Variants in RIN2 observed in about 807,000 individuals in gnomAD.
The protein encoded by RIN2 is RAB5 interacting protein 2.
RIN2 carries 36 observed loss-of-function variants against 78.0 expected under a neutral mutation model. The observed-to-expected ratio is 0.46, with a 90% CI of 0.35 to 0.61. The LOEUF is 0.61. Ranked by LOEUF, RIN2 falls within the 20% of genes least tolerant of loss-of-function variation. RIN2 has a pLI of 0.00. For missense variants in RIN2, 1,087 were observed against 1,159.7 expected (o/e 0.94, Z 0.91); for synonymous variants, 466 against 466.8 (o/e 1.00, Z 0.02).
chr20:19,875,384 C>A (rs2037824646), intron 2 of RIN2, among the ~76,000 whole-genome samples: 2 of 152,126 alleles, frequency 1.3e-5, no homozygotes, highest in South Asian at 4.1e-4. Flanking sequence ...CGAGGCTGGT[C>A]TCAAACTCCT....
At chr20:19,892,605 A>G (rs1264045860) in intron 3 of RIN2, among the ~76,000 whole-genome samples, 1 of 151,986 alleles carries the variant, frequency 6.6e-6, no homozygotes, top group Non-Finnish European at 1.5e-5. Context: ...TGGAGCTCCC[A>G]GGCTCAAGCA....
At chr20:19,954,410 T>C (rs913867228) in intron 4 of RIN2, among the ~76,000 whole-genome samples, 4 of 152,152 alleles carry the variant, frequency 2.6e-5, no homozygotes, top group African/African-American at 9.7e-5. Context: ...TGCCCCAGGA[T>C]AGGGCTTGAT....
intron 12 of RIN2, 26 bp from the exon 13 acceptor site, chr20:20,000,587 T>C (rs910040047): frequency 6.4e-7 from 1 of 1,557,952 alleles, no homozygotes; most frequent in African/African-American, 1.4e-5. Context: ...CTTCTGACTG[T>C]CTCAACATTC....
intron 2 of RIN2, among the ~76,000 whole-genome samples, chr20:19,874,302 G>A (rs1368026663): frequency 1.3e-5 from 2 of 152,146 alleles, no homozygotes; most frequent in Admixed American, 6.5e-5. Flanking sequence ...ATAAAGCAAG[G>A]TTATGCATTG....
chr20:19,798,736 T>C (rs1311037155), intron 1 of RIN2, among the ~76,000 whole-genome samples: 1 of 152,138 alleles, frequency 6.6e-6, no homozygotes. Context: ...TGCCCACTTC[T>C]GCCAAGAATA....
chr20:19,882,072 A>G (rs1172407147), intron 2 of RIN2, among the ~76,000 whole-genome samples: 1 of 152,202 alleles, frequency 6.6e-6, no homozygotes, highest in East Asian at 1.9e-4. Context: ...GTAATTTTGG[A>G]AAGTGAAAAA....
chr20:19,823,753 A>G lies in RIN2; in HGVS notation c.-37+24006A>G, dbSNP rs980801121. ...CTCAATCTGGGCCTGTCTGTTCTGA[A>G]TGGTTAGTTTCACTGTAATCCTCAG... On this transcript the variant is annotated intron_variant, in intron 2 of 12. Coordinates refer to ENST00000255006, the MANE Select transcript of RIN2 (RefSeq NM_018993.4). 1.9e-6 allele frequency: 3 copies of G among 1,593,770 alleles called. No individual in the cohort carries two copies. In the African/African-American group the frequency reaches 4.0e-5, roughly 21 times the overall value.
At chr20:19,824,001 C>T (rs1185019026) in intron 2 of RIN2, 3 of 1,059,658 alleles carry the variant, frequency 2.8e-6, no homozygotes, top group Non-Finnish European at 2.8e-6. Flanking sequence ...GAAAGTTGCA[C>T]CTTGGCCTCC....
rs201051605 is a variant in RIN2, at chr20:19,997,978, C to CTT, written c.2364+1147_2364+1148dup. Among the ~76,000 whole-genome samples the CTT allele has an allele frequency of 3.9e-4, 57 of 145,592 alleles. 1 individual carries two copies. Among genetic ancestry groups the CTT allele is most frequent in the African/African-American group, 5.0e-4 (20 of 39,728 alleles). On this transcript the variant is annotated intron_variant, in intron 12 of 12. Transcript: ENST00000255006. ...TTGTCTACACATCCAGATTCACCTG[C>CTT]TTTTTTTTTTTTCTTAAGACAGAGT... is the stretch of plus-strand genomic sequence containing the variant.
intron 4 of RIN2, among the ~76,000 whole-genome samples, chr20:19,939,790 G>A (rs893294536): frequency 6.6e-6 from 1 of 151,094 alleles, no homozygotes; most frequent in Admixed American, 6.6e-5. Context: ...CTGGCTTTAT[G>A]TTTCTTCATA....
chr20:19,775,943 AAATACT>A (rs1409474188), intron 1 of RIN2, among the ~76,000 whole-genome samples: 8 of 152,262 alleles, frequency 5.3e-5, no homozygotes, highest in Non-Finnish European at 1.2e-4. Context: ...TCTCAAATAG[AAATACT>A]AATACTAACA....
intron 4 of RIN2, among the ~76,000 whole-genome samples, chr20:19,954,720 T>TGA (rs2041466390): frequency 2.0e-5 from 3 of 151,412 alleles, no homozygotes; most frequent in African/African-American, 7.3e-5. Flanking sequence ...CCTGTGTCCC[T>TGA]CACCCCTGTG....
At chr20:19,954,793 T>G (rs979823975) in intron 4 of RIN2, among the ~76,000 whole-genome samples, 2 of 152,044 alleles carry the variant, frequency 1.3e-5, no homozygotes, top group African/African-American at 4.8e-5. Flanking sequence ...TACCAGAGCA[T>G]GTGTAATTTC....
intron 1 of RIN2, among the ~76,000 whole-genome samples, chr20:19,761,394 ATGT>A (rs1473914925): frequency 3.3e-5 from 5 of 152,190 alleles, no homozygotes; most frequent in African/African-American, 2.4e-5. Flanking sequence ...GGAAATGCTA[ATGT>A]TGTCTGTTTT....
At chr20:19,779,368 G>A (rs189417979) in intron 1 of RIN2, among the ~76,000 whole-genome samples, 2 of 152,288 alleles carry the variant, frequency 1.3e-5, no homozygotes, top group Admixed American at 6.5e-5. Context: ...CCCAGGTGCT[G>A]AGCTAAGTGC....
At chr20:19,885,579 T>A (rs926340341) in intron 2 of RIN2, among the ~76,000 whole-genome samples, 1 of 151,726 alleles carries the variant, frequency 6.6e-6, no homozygotes, top group African/African-American at 2.4e-5. Context: ...GGCAGGAGAA[T>A]CACTTGAACC....
At chr20:19,933,644 A>C (rs2040519725) in intron 3 of RIN2, among the ~76,000 whole-genome samples, 1 of 152,180 alleles carries the variant, frequency 6.6e-6, no homozygotes, top group Admixed American at 6.5e-5. Flanking sequence ...GTGAGTGAAT[A>C]GATGGGGTCA....
At chr20:19,876,756 T>A (rs1394932719) in intron 2 of RIN2, among the ~76,000 whole-genome samples, 1 of 151,864 alleles carries the variant, frequency 6.6e-6, no homozygotes, top group Non-Finnish European at 1.5e-5. Context: ...AATACAAAAA[T>A]TATCTGGGTG....
At chr20:19,924,918 T>C (rs1413136981) in intron 3 of RIN2, among the ~76,000 whole-genome samples, 1 of 149,778 alleles carries the variant, frequency 6.7e-6, no homozygotes, top group African/African-American at 2.5e-5. Flanking sequence ...TTTGTATTTT[T>C]AGTAGAGATA....
Sources: gnomAD v4.1 joint callset for allele counts (sites outside exome capture counted in the v4.1 genomes callset) on GRCh38, gnomAD v4.1.1 for gene constraint, MANE v1.5 for transcripts, NCBI Gene and HGNC (gene_info 2026-07-23, HGNC 2026-07-21) for gene names.